Variants in ATP9B observed in about 807,000 individuals in gnomAD.
ATP9B encodes the protein ATPase phospholipid transporting 9B, also known as probable phospholipid-transporting ATPase IIB.
Under a neutral mutation model 146.1 loss-of-function variants are expected in ATP9B, and 110 were observed. That is an observed-to-expected ratio of 0.75 (90% CI 0.65 to 0.88). The LOEUF is 0.88. Ranked by LOEUF, ATP9B falls within the 40% of genes least tolerant of loss-of-function variation. The pLI, the probability that ATP9B is intolerant of heterozygous loss-of-function variation, is 0.00. For synonymous variants in ATP9B, 604 were observed against 569.7 expected (o/e 1.06, Z -0.86); for missense variants, 1,499 against 1,496.4 (o/e 1.00, Z -0.03).
chr18:79,218,983 C>T (rs534520160), intron 11 of ATP9B, among the ~76,000 whole-genome samples: 6 of 152,018 alleles, frequency 3.9e-5, no homozygotes, highest in South Asian at 2.1e-4. Context: ...TTGCAGAACC[C>T]GGAAGAATAC....
intron 1 of ATP9B, among the ~76,000 whole-genome samples, chr18:79,083,947 C>T (rs2073541709): frequency 6.6e-6 from 1 of 150,846 alleles, no homozygotes; most frequent in African/African-American, 2.4e-5. Flanking sequence ...ACTGCAGCCT[C>T]TCCTGGCTTC....
chr18:79,264,059 C>T (rs2096175139), intron 12 of ATP9B, among the ~76,000 whole-genome samples: 1 of 151,844 alleles, frequency 6.6e-6, no homozygotes, highest in Non-Finnish European at 1.5e-5. Context: ...CACTCCAGCC[C>T]AGGCGACAGT....
At chr18:79,200,788 T>TGGGAACGTTG (rs370231088) in intron 9 of ATP9B, among the ~76,000 whole-genome samples, 4 of 35,450 alleles carry the variant, frequency 1.1e-4, no homozygotes, top group Admixed American at 2.5e-4. Flanking sequence ...GAAGTAGTGG[T>TGGGAACGTTG]GGAATTGTTT....
In ATP9B at chr18:79,239,442, T is replaced by A. The variant is rs1014568555; in HGVS notation, c.1108-13939T>A. Among the ~76,000 whole-genome samples the A allele has an allele frequency of 3.3e-5, 5 of 151,228 alleles. No individual in the cohort carries two copies. The highest frequency in any genetic ancestry group is 1.2e-4 in the African/African-American group (5 of 41,070). On this transcript the variant is annotated intron_variant, in intron 11 of 29. Transcript: ENST00000426216. This position sits in a 1 kb window ranked among gnomAD's most constrained non-coding sequence, Gnocchi z 5.1. Reference sequence around the variant, plus strand: ...ATCCTCATAAAACCAAGCCCCAGAGTGGGTTGTGGTATGAGCACCGCCAGC... The same window carrying A: ...ATCCTCATAAAACCAAGCCCCAGAGAGGGTTGTGGTATGAGCACCGCCAGC...
chr18:79,143,761 T>G, intron 5 of ATP9B, 41 bp from the exon 6 acceptor site: 1 of 1,303,752 alleles, frequency 7.7e-7, no homozygotes, highest in African/African-American at 1.5e-5. Context: ...TTGGGTGTGC[T>G]GTTGTTTCCT....
In ATP9B at chr18:79,343,941, C is replaced by G. The variant is rs143401885; in HGVS notation, c.2383-324C>G. On this transcript the variant is annotated intron_variant, in intron 20 of 29. Transcript: ENST00000426216. ...AAAGGCAATTACCCTCCCAAACTAT[C>G]CAGAAGGTAATTATTAACTCATAGG... 6.7e-5 allele frequency: 27 copies of G among 402,994 alleles called. No homozygotes were observed. The East Asian group carries it at 1.6e-3, about 24-fold the overall frequency. The allele number at this position is 402,994 out of a possible 1,614,324, so 25.0% of individuals were successfully genotyped here.
rs770067148 is a variant in ATP9B, at chr18:79,345,520, C to T, written c.2565C>T (p.Ala855=). The T allele has an allele frequency of 1.2e-6, 2 of 1,612,566 alleles. No homozygotes were observed. Among genetic ancestry groups the T allele is most frequent in the Non-Finnish European group, 1.7e-6 (2 of 1,180,022 alleles). ...GCCGCTGCTCACCCACCCAGAAGGC[C>T]CGCATTGTGACACTGCTGCAGCAGC... ...VCCRCSPTQK[A]RIVTLLQQHT... The change falls in exon 22 of 30, where the codon GCC becomes GCT. Residue 855 remains alanine (A), a synonymous_variant. Transcript: ENST00000426216.
chr18:79,256,879 G>C (rs2096087265), intron 12 of ATP9B, among the ~76,000 whole-genome samples: 1 of 152,146 alleles, frequency 6.6e-6, no homozygotes, highest in Non-Finnish European at 1.5e-5. Flanking sequence ...TTCTTGATCA[G>C]TCTTTTTTCA....
At chr18:79,351,261 T>C (rs2096920811) in intron 25 of ATP9B, among the ~76,000 whole-genome samples, 1 of 152,248 alleles carries the variant, frequency 6.6e-6, no homozygotes, top group Non-Finnish European at 1.5e-5. Context: ...TTTAAAGAAC[T>C]ACTGCTTGGG....
At position 79,377,832 on chromosome 18, in the gene ATP9B, C is replaced by A. The variant is rs1341166328; in HGVS notation, c.*449C>A. 1 of 162,012 alleles carries A rather than the reference C, an allele frequency of 6.2e-6. No homozygotes were observed. The highest frequency in any genetic ancestry group is 1.8e-4 in the East Asian group (1 of 5,690). The allele number at this position is 162,012 out of a possible 1,614,324, so 10.0% of individuals were successfully genotyped here. A position where few individuals can be genotyped will look rare whatever the true frequency, so the allele number is the denominator to read the frequency against. ...CCTCCCTCTCAGTGCGGGAACGTCA[C>A]CCCTGCCAGGCAAGCCCAGGGCACA... On this transcript the variant is annotated 3_prime_UTR_variant, in exon 30 of 30. Transcript: ENST00000426216.
At chr18:79,233,447 T>C (rs1393781137) in intron 11 of ATP9B, among the ~76,000 whole-genome samples, 2 of 152,132 alleles carry the variant, frequency 1.3e-5, no homozygotes, top group African/African-American at 4.8e-5. Context: ...TGCCATAAAA[T>C]GTACACCCTG....
chr18:79,078,405 T>C (rs2072871219), intron 1 of ATP9B, among the ~76,000 whole-genome samples: 2 of 152,146 alleles, frequency 1.3e-5, no homozygotes, highest in South Asian at 4.1e-4. Context: ...CCAAGGACCT[T>C]ACTGGTCTGC....
chr18:79,156,244 A>G (rs1226609823), intron 7 of ATP9B, among the ~76,000 whole-genome samples: 3 of 152,128 alleles, frequency 2.0e-5, no homozygotes, highest in Admixed American at 6.5e-5. Flanking sequence ...CTGGCTGGCT[A>G]CTTCCAGCCC....
At chr18:79,310,346 T>A (rs908687247) in intron 15 of ATP9B, among the ~76,000 whole-genome samples, 3 of 152,216 alleles carry the variant, frequency 2.0e-5, no homozygotes, top group Non-Finnish European at 2.9e-5. Flanking sequence ...GCGTTCAGAA[T>A]GTTTGGAAAA....
rs567877403 is a variant in ATP9B at position 79,168,249 on chromosome 18, G to C, written c.779-8564G>C. Among the ~76,000 whole-genome samples the C allele has an allele frequency of 1.8e-4, 27 of 152,366 alleles. No homozygotes were observed. In the South Asian group the frequency reaches 2.5e-3, roughly 14 times the overall value. On this transcript the variant is annotated intron_variant, in intron 7 of 29. Coordinates refer to ENST00000426216, the MANE Select transcript of ATP9B (RefSeq NM_198531.5). ...GTGGCATTTCAGCCTGGCGACTGCA[G>C]AGTCTGAGCAGGGGGTCCGTGGCTG...
At chr18:79,152,878 A>G (rs151159721) in intron 6 of ATP9B, among the ~76,000 whole-genome samples, 2 of 152,274 alleles carry the variant, frequency 1.3e-5, no homozygotes, top group Non-Finnish European at 2.9e-5. Context: ...TTGGACATCT[A>G]GCTTTGTATT....
chr18:79,069,940 TAA>T (rs1485027768), intron 1 of ATP9B, among the ~76,000 whole-genome samples: 1 of 152,248 alleles, frequency 6.6e-6, no homozygotes, highest in Non-Finnish European at 1.5e-5. Flanking sequence ...ATTGCTTTGT[TAA>T]AAACACACTT....
At chr18:79,092,371 C>T (rs1434637517) in intron 1 of ATP9B, among the ~76,000 whole-genome samples, 1 of 152,054 alleles carries the variant, frequency 6.6e-6, no homozygotes, top group East Asian at 1.9e-4. Context: ...AATTGTGTAT[C>T]TGTGTATCTA....
At chr18:79,161,174 A>C (rs2094875011) in intron 7 of ATP9B, among the ~76,000 whole-genome samples, 1 of 152,042 alleles carries the variant, frequency 6.6e-6, no homozygotes. Flanking sequence ...TTAGAACATG[A>C]CTCAAATGAG....
Sources: allele counts gnomAD v4.1 joint callset (sites outside exome capture counted in the v4.1 genomes callset), GRCh38; gene constraint gnomAD v4.1.1; non-coding constraint Gnocchi (gnomAD v3.1); transcripts MANE v1.5; gene names NCBI Gene and HGNC (gene_info 2026-07-23, HGNC 2026-07-21).